NRG1: variants seen among roughly 807,000 people sequenced by gnomAD.
The protein encoded by NRG1 is neuregulin 1.
NRG1 carries 18 observed loss-of-function variants against 63.8 expected under a neutral mutation model. The observed-to-expected ratio is 0.28, with a 90% CI of 0.19 to 0.42. NRG1 has a LOEUF of 0.42. Ranked by LOEUF, NRG1 falls within the 10% of genes least tolerant of loss-of-function variation. NRG1 has a pLI of 1.00. For synonymous variants in NRG1, 302 were observed against 301.3 expected (o/e 1.00, Z -0.02); for missense variants, 762 against 814.7 (o/e 0.94, Z 0.79).
intron 1 of NRG1, among the ~76,000 whole-genome samples, chr8:32,347,684 CGT>C (rs1292347069): frequency 4.6e-5 from 7 of 152,044 alleles, no homozygotes; most frequent in African/African-American, 1.4e-4. Flanking sequence ...GTTGTGTAGC[CGT>C]GTGTCTCCAG....
intron 1 of NRG1, among the ~76,000 whole-genome samples, chr8:31,712,233 C>A (rs1426652273): frequency 7.7e-6 from 1 of 130,450 alleles, no homozygotes; most frequent in Non-Finnish European, 1.6e-5. Context: ...TTCCTCTTGA[C>A]TTCCTGTTTC....
chr8:31,875,573 C>T (rs912866391), intron 1 of NRG1, among the ~76,000 whole-genome samples: 8 of 152,088 alleles, frequency 5.3e-5, no homozygotes, highest in Non-Finnish European at 1.0e-4. Flanking sequence ...AGGTGGCGGG[C>T]GATGCCTTCA....
At chr8:32,528,363 T>C (rs905037409) in intron 1 of NRG1, among the ~76,000 whole-genome samples, 1 of 152,316 alleles carries the variant, frequency 6.6e-6, no homozygotes, top group Middle Eastern at 3.4e-3. Context: ...GTTATAGGCA[T>C]GTGGTAAGTG....
chr8:31,961,262 GGAA>G (rs1156979716), intron 1 of NRG1, among the ~76,000 whole-genome samples: 1 of 152,110 alleles, frequency 6.6e-6, no homozygotes, highest in Non-Finnish European at 1.5e-5. Context: ...TCAGAAGGTT[GGAA>G]GAGCATCCAA....
intron 1 of NRG1, among the ~76,000 whole-genome samples, chr8:32,412,106 A>G (rs1815050395): frequency 6.6e-6 from 1 of 152,104 alleles, no homozygotes; most frequent in Non-Finnish European, 1.5e-5. Context: ...CCGGAATAGA[A>G]CAAAAAGGCT....
chr8:32,203,215 G>A (rs1843674884), intron 1 of NRG1, among the ~76,000 whole-genome samples: 1 of 116,572 alleles, frequency 8.6e-6, no homozygotes. Context: ...TTTTTTTTTA[G>A]GACTAGATGG....
exon 1 of NRG1, chr8:31,639,331 G>C: frequency 1.3e-6 from 2 of 1,528,968 alleles, no homozygotes; most frequent in East Asian, 4.9e-5. Flanking sequence ...GAGGGAGGAG[G>C]CGCGCGGGGA....
chr8:31,668,357 A>G (rs906325807), intron 1 of NRG1, among the ~76,000 whole-genome samples: 1 of 152,184 alleles, frequency 6.6e-6, no homozygotes, highest in African/African-American at 2.4e-5. Flanking sequence ...TGCCCTAGTC[A>G]CAGAAACCCC....
chr8:31,667,720 A>G, intron 1 of NRG1, among the ~76,000 whole-genome samples: 1 of 152,184 alleles, frequency 6.6e-6, no homozygotes. Context: ...GACATTGAGA[A>G]TGTTACTTGG....
intron 1 of NRG1, among the ~76,000 whole-genome samples, chr8:31,766,557 T>C (rs576013943): frequency 1.3e-5 from 2 of 152,224 alleles, no homozygotes; most frequent in South Asian, 4.1e-4. Flanking sequence ...TTCTGAAAAA[T>C]AGATAAACAG....
intron 1 of NRG1, among the ~76,000 whole-genome samples, chr8:32,200,931 G>A (rs1379259363): frequency 6.6e-6 from 1 of 152,094 alleles, no homozygotes; most frequent in Admixed American, 6.5e-5. Flanking sequence ...GCAACAGAGA[G>A]GGACCAGGTA....
At chr8:31,923,596 G>A (rs906279674) in intron 1 of NRG1, among the ~76,000 whole-genome samples, 1 of 152,118 alleles carries the variant, frequency 6.6e-6, no homozygotes, top group African/African-American at 2.4e-5. Context: ...TTTCTATTCT[G>A]GAAACGTTTA....
chr8:32,710,486 T>C (rs1330505051), intron 5 of NRG1, among the ~76,000 whole-genome samples: 1 of 152,206 alleles, frequency 6.6e-6, no homozygotes, highest in African/African-American at 2.4e-5. Context: ...AACTCCCTGA[T>C]GGTGTTTATA....
intron 1 of NRG1, among the ~76,000 whole-genome samples, chr8:32,580,507 T>C (rs1840447047): frequency 6.6e-6 from 1 of 152,240 alleles, no homozygotes; most frequent in African/African-American, 2.4e-5. Flanking sequence ...GACTGCTATG[T>C]GCTTTAATTG....
intron 1 of NRG1, among the ~76,000 whole-genome samples, chr8:32,390,450 C>T (rs1439349359): frequency 1.3e-5 from 2 of 151,588 alleles, no homozygotes; most frequent in African/African-American, 4.8e-5. Flanking sequence ...GTGATGAGCA[C>T]CTGTAGTCCA....
Position 32,478,443 on chromosome 8 carries a change from G to A in NRG1, c.38-117385G>A, listed in dbSNP as rs16879464. On this transcript the variant is annotated intron_variant, in intron 1 of 10. Transcript: ENST00000519301. The stretch of plus-strand genomic sequence containing the variant: ...CCATAAAAATGACTGTGTAGGACAC[G>A]CCTATGCTAATGTCATGACTGGTTT... Among the ~76,000 whole-genome samples the A allele has an allele frequency of 9.2e-3, 1,396 of 152,278 alleles. 20 individuals are homozygous for A. Among genetic ancestry groups the A allele is most frequent in the African/African-American group, 0.033 (1,353 of 41,556 alleles).
chr8:32,072,256 A>G (rs1177118461), intron 1 of NRG1, among the ~76,000 whole-genome samples: 1 of 151,848 alleles, frequency 6.6e-6, no homozygotes, highest in Non-Finnish European at 1.5e-5. Flanking sequence ...CTTCTAAAAA[A>G]AATAAGAAAC....
At chr8:32,170,002 AAC>A (rs1839854076) in intron 1 of NRG1, among the ~76,000 whole-genome samples, 1 of 152,204 alleles carries the variant, frequency 6.6e-6, no homozygotes, top group Non-Finnish European at 1.5e-5. Flanking sequence ...ACACAGGAAG[AAC>A]ACCATGTGAA....
At chr8:32,072,388 G>A (rs1825887041) in intron 1 of NRG1, among the ~76,000 whole-genome samples, 1 of 151,718 alleles carries the variant, frequency 6.6e-6, no homozygotes. Context: ...AACTGTGCTG[G>A]CAGTAATCTA....
Sources: gnomAD v4.1 joint callset for allele counts (sites outside exome capture counted in the v4.1 genomes callset) on GRCh38, gnomAD v4.1.1 for gene constraint, MANE v1.5 for transcripts, NCBI Gene and HGNC (gene_info 2026-07-23, HGNC 2026-07-21) for gene names.